Variants in CMSS1 observed in about 807,000 individuals in gnomAD.
CMSS1 encodes the protein cms1 ribosomal small subunit homolog, also known as protein CMSS1.
A neutral mutation model predicts 43.5 loss-of-function variants in CMSS1; 33 were observed. The ratio of observed to expected loss-of-function variants is 0.76; its 90% confidence interval spans 0.57 to 1.01. The LOEUF (loss-of-function observed/expected upper bound fraction) is 1.01, where lower values mean the gene tolerates loss of function less well. Among genes scored for constraint, CMSS1 ranks in the 50% least tolerant of loss-of-function variants. CMSS1 has a pLI of 0.00. For missense variants in CMSS1, 313 were observed against 326.4 expected, an observed-to-expected ratio of 0.96 and a Z score of 0.32; for synonymous variants, 115 against 117.2, an observed-to-expected ratio of 0.98 and a Z score of 0.12.
At chr3:99,918,985 A>G (rs1213327999) in intron 1 of CMSS1, among the ~76,000 whole-genome samples, 2 of 152,228 alleles carry the variant, frequency 1.3e-5, no homozygotes, top group Non-Finnish European at 2.9e-5. Flanking sequence ...TTTGAGTACA[A>G]TGTATTCTAC....
At chr3:100,101,721 T>TA (rs2066308921) in intron 1 of CMSS1, among the ~76,000 whole-genome samples, 1 of 151,966 alleles carries the variant, frequency 6.6e-6, no homozygotes, top group Admixed American at 6.6e-5. Context: ...CTGCACCCAT[T>TA]AACTCATCAT....
At chr3:99,841,972 C>G (rs893810168) in intron 1 of CMSS1, among the ~76,000 whole-genome samples, 1 of 152,140 alleles carries the variant, frequency 6.6e-6, no homozygotes, top group African/African-American at 2.4e-5. Context: ...CCAGCAGTCC[C>G]ACTCCTGGGT....
chr3:100,156,360 G>A (rs187088544), intron 2 of CMSS1, among the ~76,000 whole-genome samples: 2 of 136,996 alleles, frequency 1.5e-5, no homozygotes, highest in Non-Finnish European at 3.0e-5. Context: ...CCAGGCTGGA[G>A]TTCAGTGACG....
In CMSS1 at chr3:99,983,460, G is replaced by GTGTA. The variant is rs1348562068; in HGVS notation, c.65-163510_65-163509insATGT. On this transcript the variant is annotated intron_variant, in intron 1 of 9. Coordinates refer to ENST00000421999, the MANE Select transcript of CMSS1 (RefSeq NM_032359.4). ...TATATATGTATGTATATATATATAT[G>GTGTA]TGTGTATATATATATATATATATAT... is the stretch of plus-strand genomic sequence containing the variant. Among the ~76,000 whole-genome samples the GTGTA allele has an allele frequency of 8.0e-3, 552 of 69,300 alleles. 7 individuals carry two copies. The highest frequency in any genetic ancestry group is 0.024 in the African/African-American group (233 of 9,614). 45.5% of individuals were successfully genotyped at this position (69,300 alleles called of 152,430 possible).
intron 1 of CMSS1, among the ~76,000 whole-genome samples, chr3:100,050,922 A>G (rs1206915164): frequency 1.3e-5 from 2 of 152,196 alleles, no homozygotes; most frequent in African/African-American, 4.8e-5. Flanking sequence ...TCCTTGTGGA[A>G]GAGTCTTCAA....
chr3:100,089,309 C>CTAA (rs149972203), intron 1 of CMSS1, among the ~76,000 whole-genome samples: 1,785 of 152,288 alleles, frequency 0.012, 21 homozygotes, highest in African/African-American at 0.026. Flanking sequence ...GTTGCATTTT[C>CTAA]TATTACTACA....
intron 1 of CMSS1, among the ~76,000 whole-genome samples, chr3:99,936,675 C>T (rs1030597968): frequency 6.7e-6 from 1 of 150,170 alleles, no homozygotes; most frequent in Non-Finnish European, 1.5e-5. Flanking sequence ...GCCCAGCCCG[C>T]TTGAAGCCTT....
At chr3:100,015,623 T>A (rs1196549750) in intron 1 of CMSS1, among the ~76,000 whole-genome samples, 1 of 152,188 alleles carries the variant, frequency 6.6e-6, no homozygotes, top group African/African-American at 2.4e-5. Context: ...ATGCTAAGAT[T>A]ATTGAGTAAA....
intron 1 of CMSS1, chr3:100,040,403 G>C (rs371508264): frequency 6.6e-6 from 1 of 152,016 alleles, no homozygotes; most frequent in African/African-American, 2.4e-5. Flanking sequence ...CCAGATAATA[G>C]CATTCCATTT....
At position 100,178,379 on chromosome 3, in the gene CMSS1, C is replaced by T; in HGVS notation, c.831C>T (p.Gly277=). ...SLCKSESLKL[G]LF ...GCAAGTCAGAATCCTTGAAACTGGG[C>T]CTTTTCTAAGTCTGTGTCCTAATGA... The change falls in exon 10 of 10, where the codon GGC becomes GGT. Residue 277 remains glycine, a synonymous_variant. Coordinates refer to ENST00000421999, the MANE Select transcript of CMSS1 (RefSeq NM_032359.4). 6.2e-7 allele frequency: 1 copy of T among 1,609,192 alleles called. No individual in the cohort carries two copies. Among genetic ancestry groups the T allele is most frequent in the East Asian group, 2.2e-5 (1 of 44,806 alleles).
intron 1 of CMSS1, among the ~76,000 whole-genome samples, chr3:100,144,141 G>A (rs867379803): frequency 6.6e-6 from 1 of 151,970 alleles, no homozygotes; most frequent in South Asian, 2.1e-4. Context: ...TTCCATCTCT[G>A]TGCGGGGGAG....
chr3:100,011,389 A>G (rs1174259636), intron 1 of CMSS1, among the ~76,000 whole-genome samples: 2 of 152,162 alleles, frequency 1.3e-5, no homozygotes, highest in Admixed American at 6.5e-5. Flanking sequence ...CTTGCATTGT[A>G]TGTTTTCTTT....
intron 1 of CMSS1, among the ~76,000 whole-genome samples, chr3:99,990,641 A>T (rs557565694): frequency 1.3e-5 from 2 of 152,184 alleles, no homozygotes; most frequent in Non-Finnish European, 2.9e-5. Flanking sequence ...AATCTTAGAG[A>T]TGATGTCCTG....
intron 6 of CMSS1, 91 bp from the exon 7 acceptor site, chr3:100,171,748 C>T: frequency 9.8e-7 from 1 of 1,025,206 alleles, no homozygotes; most frequent in Non-Finnish European, 1.5e-6. Context: ...TGCACACATC[C>T]TTTGAATAAA....
chr3:99,820,110 TC>T (rs1942405780), intron 1 of CMSS1, among the ~76,000 whole-genome samples: 1 of 152,098 alleles, frequency 6.6e-6, no homozygotes, highest in Admixed American at 6.5e-5. Flanking sequence ...GCCTCCTTCA[TC>T]TAAGTTGCCA....
intron 1 of CMSS1, among the ~76,000 whole-genome samples, chr3:99,832,837 C>A (rs1453428897): frequency 1.7e-5 from 2 of 119,908 alleles, no homozygotes; most frequent in Admixed American, 9.0e-5. Flanking sequence ...AAGACTCTGT[C>A]TCAAAAAAAA....
At chr3:100,162,654 GAAT>G (rs567293191) in intron 4 of CMSS1, among the ~76,000 whole-genome samples, 1 of 151,874 alleles carries the variant, frequency 6.6e-6, no homozygotes, top group Admixed American at 6.6e-5. Flanking sequence ...TTAAAAATAA[GAAT>G]AATAATAATA....
intron 1 of CMSS1, among the ~76,000 whole-genome samples, chr3:100,019,321 C>G (rs2064762336): frequency 6.6e-6 from 1 of 152,112 alleles, no homozygotes; most frequent in African/African-American, 2.4e-5. Context: ...GATCATGCCA[C>G]TGCACTCCAG....
At chr3:99,848,036 T>C in intron 1 of CMSS1, 4 of 1,212,326 alleles carry the variant, frequency 3.3e-6, no homozygotes, top group Non-Finnish European at 4.1e-6. Flanking sequence ...AAGATGTATT[T>C]ATACAAGTGC....
Sources: gnomAD v4.1 joint callset for allele counts (sites outside exome capture counted in the v4.1 genomes callset) on GRCh38, gnomAD v4.1.1 for gene constraint, MANE v1.5 for transcripts, NCBI Gene and HGNC (gene_info 2026-07-23, HGNC 2026-07-21) for gene names.